TGFBR1: variants seen among roughly 807,000 people sequenced by gnomAD.
TGFBR1 encodes the protein transforming growth factor beta receptor 1.
A neutral mutation model predicts 55.1 loss-of-function variants in TGFBR1; 20 were observed. The observed-to-expected ratio is 0.36, with a 90% CI of 0.26 to 0.53. The LOEUF (loss-of-function observed/expected upper bound fraction) is 0.53. TGFBR1 is among the 20% of genes least tolerant of loss of function. The pLI, the probability that TGFBR1 is intolerant of heterozygous loss-of-function variation, is 0.91. For synonymous variants in TGFBR1, 220 were observed against 214.8 expected (o/e 1.02, Z -0.21); for missense variants, 385 against 617.6 (o/e 0.62, Z 3.99).
At chr9:99,119,965 C>T (rs1438557560) in intron 1 of TGFBR1, among the ~76,000 whole-genome samples, 4 of 152,154 alleles carry the variant, frequency 2.6e-5, no homozygotes, top group Non-Finnish European at 5.9e-5. Flanking sequence ...GAGACTGGCA[C>T]GTAATAGGAG....
chr9:99,118,453 T>G (rs1204220836), intron 1 of TGFBR1, among the ~76,000 whole-genome samples: 1 of 152,192 alleles, frequency 6.6e-6, no homozygotes, highest in Non-Finnish European at 1.5e-5. Flanking sequence ...ATGCCTTTTA[T>G]TTAATCTGAT....
At chr9:99,115,928 G>A (rs1004309810) in intron 1 of TGFBR1, among the ~76,000 whole-genome samples, 1 of 152,162 alleles carries the variant, frequency 6.6e-6, no homozygotes, top group Non-Finnish European at 1.5e-5. Context: ...ATGTTTGTCA[G>A]TGAGGAAAGA....
intron 1 of TGFBR1, among the ~76,000 whole-genome samples, chr9:99,106,824 A>G (rs540307608): frequency 1.3e-5 from 2 of 152,324 alleles, no homozygotes; most frequent in South Asian, 2.1e-4. Context: ...TTTGAGTATC[A>G]GATAGGCTTC....
chr9:99,149,502 A>G lies in TGFBR1; in HGVS notation c.*197A>G. On this transcript the variant is annotated 3_prime_UTR_variant, in exon 9 of 9. Transcript: ENST00000374994. ...ACAGCCATGTGGGTCCTTTCTGTGC[A>G]CTATGAACGCTTCTTTCCCAGGACA... is the stretch of plus-strand genomic sequence containing the variant. 1 of 616,264 alleles carries G rather than the reference A, an allele frequency of 1.6e-6. No homozygotes were observed. The highest frequency in any genetic ancestry group is 2.8e-6 in the Non-Finnish European group (1 of 355,862). The allele number at this position is 616,264 out of a possible 1,614,324, so 38.2% of individuals were successfully genotyped here. A position where few individuals can be genotyped will look rare whatever the true frequency, so the allele number is the denominator to read the frequency against.
At chr9:99,131,648 G>GT (rs1461867067) in intron 2 of TGFBR1, among the ~76,000 whole-genome samples, 1 of 149,066 alleles carries the variant, frequency 6.7e-6, no homozygotes, top group African/African-American at 2.5e-5. Context: ...AAAAAAAAAA[G>GT]TAAAAGATAT....
intron 8 of TGFBR1, 150 bp downstream of exon 8, chr9:99,147,934 T>C: frequency 1.0e-6 from 1 of 962,632 alleles, no homozygotes; most frequent in Non-Finnish European, 1.6e-6. Flanking sequence ...AATAATTTGG[T>C]TTTCATATTC....
intron 2 of TGFBR1, 37 bp downstream of exon 2, chr9:99,129,137 GA>G: frequency 6.2e-7 from 1 of 1,603,848 alleles, no homozygotes; most frequent in Non-Finnish European, 8.5e-7. Flanking sequence ...GATACTACAA[GA>G]AAAACTCTTC....
chr9:99,110,487 C>T (rs540779798), intron 1 of TGFBR1, among the ~76,000 whole-genome samples: 5 of 152,140 alleles, frequency 3.3e-5, no homozygotes, highest in Non-Finnish European at 1.5e-5. Context: ...CCATTTGTTC[C>T]CAGATACAGG....
intron 1 of TGFBR1, among the ~76,000 whole-genome samples, chr9:99,128,475 TAAAAAA>T (rs66612011): frequency 0.019 from 1,947 of 104,028 alleles, 49 homozygotes; most frequent in African/African-American, 0.065. Context: ...TTGGGCCTGG[TAAAAAA>T]AAAAAAAAAA....
intron 1 of TGFBR1, among the ~76,000 whole-genome samples, chr9:99,113,514 T>C (rs11466447): frequency 0.019 from 2,892 of 152,294 alleles, 90 homozygotes; most frequent in African/African-American, 0.066. Flanking sequence ...AATATTTGTT[T>C]ATAGGAGTAG....
intron 1 of TGFBR1, among the ~76,000 whole-genome samples, chr9:99,117,031 C>T (rs1373696138): frequency 1.3e-5 from 2 of 152,176 alleles, no homozygotes; most frequent in Non-Finnish European, 2.9e-5. Context: ...CTGTGTTCTT[C>T]TAGGAGACTG....
chr9:99,134,783 T>C (rs1412342462), intron 3 of TGFBR1, among the ~76,000 whole-genome samples: 1 of 125,422 alleles, frequency 8.0e-6, no homozygotes, highest in Non-Finnish European at 1.6e-5. Flanking sequence ...TGAGAAACAA[T>C]GGAATAATTC....
chr9:99,149,439 C>CA lies in TGFBR1; in HGVS notation c.*136dup. 7.7e-7 allele frequency: 1 copy of CA among 1,294,108 alleles called. No homozygotes were observed. Among genetic ancestry groups the CA allele is most frequent in the Admixed American group, 1.9e-5 (1 of 53,616 alleles). The allele number at this position is 1,294,108 out of a possible 1,614,324, so 80.2% of individuals were successfully genotyped here. A position where few individuals can be genotyped will look rare whatever the true frequency, so the allele number is the denominator to read the frequency against. On this transcript the variant is annotated 3_prime_UTR_variant, in exon 9 of 9. Transcript: ENST00000374994. ...TCCTTTTGCAGCAGTGTAATAAAGT[C>CA]AATTAAAAACTTCCCAGGATTTCTT...
Position 99,146,338 on chromosome 9 carries a change from G to A in TGFBR1, c.1131-147G>A, listed in dbSNP as rs1827794732. On this transcript the variant is annotated intron_variant, in intron 6 of 8. Transcript: ENST00000374994. ...CATCATTAATGTGCAAACCAGTGTGGATATTTAATATTTTTCTTGAGTCTA... is the reference window on the plus strand; with the variant it reads ...CATCATTAATGTGCAAACCAGTGTGAATATTTAATATTTTTCTTGAGTCTA... 11 of 957,788 alleles carry A rather than the reference G, an allele frequency of 1.1e-5. No homozygotes were observed. The South Asian group carries it at 1.5e-4, about 13-fold the overall frequency. The allele number at this position is 957,788 out of a possible 1,614,324, so 59.3% of individuals were successfully genotyped here. A position where few individuals can be genotyped will look rare whatever the true frequency, so the allele number is the denominator to read the frequency against.
At chr9:99,138,167 C>G in intron 4 of TGFBR1, 78 bp downstream of exon 4, 1 of 1,263,862 alleles carries the variant, frequency 7.9e-7, no homozygotes, top group Non-Finnish European at 1.1e-6. Context: ...GACTAACCAT[C>G]ATCAAAGTAG....
chr9:99,146,364 A>T (rs1827795483), intron 6 of TGFBR1, 121 bp from the exon 7 acceptor site: 2 of 1,192,308 alleles, frequency 1.7e-6, no homozygotes, highest in African/African-American at 3.0e-5. Flanking sequence ...CTTGAGTCTA[A>T]TATTTGTTAT....
rs1007202706 is a variant in TGFBR1, at chr9:99,150,282, A to G, written c.*977A>G. 5.1e-6 allele frequency: 1 copy of G among 195,888 alleles called. No homozygotes were observed. Among genetic ancestry groups the G allele is most frequent in the African/African-American group, 2.3e-5 (1 of 43,304 alleles). The allele number at this position is 195,888 out of a possible 1,614,324, so 12.1% of individuals were successfully genotyped here. ...CTTTTAAAAAATCAAGTGGCACTCTAGATGCTTATAGTACTTTAATATTTG... is the reference window on the plus strand; with the variant it reads ...CTTTTAAAAAATCAAGTGGCACTCTGGATGCTTATAGTACTTTAATATTTG... On this transcript the variant is annotated 3_prime_UTR_variant, in exon 9 of 9. Coordinates refer to ENST00000374994, the MANE Select transcript of TGFBR1 (RefSeq NM_004612.4).
In TGFBR1 at chr9:99,139,153, G is replaced by A. The variant is rs1011298201; in HGVS notation, c.805+1064G>A. On this transcript the variant is annotated intron_variant, in intron 4 of 8. Coordinates refer to ENST00000374994, the MANE Select transcript of TGFBR1 (RefSeq NM_004612.4). ...AGACTTGTGTTTCAGCTCCACTCTT[G>A]TCATCCCTACCCCTGAATCAAATGT... Among the ~76,000 whole-genome samples, 3 of 149,400 alleles carry A rather than the reference G, an allele frequency of 2.0e-5. 1 individual carries two copies. In the South Asian group the frequency reaches 6.3e-4, roughly 31 times the overall value.
At chr9:99,133,395 A>G (rs756200230) in intron 3 of TGFBR1, among the ~76,000 whole-genome samples, 1 of 152,276 alleles carries the variant, frequency 6.6e-6, no homozygotes, top group South Asian at 2.1e-4. Context: ...AGATGAGCTA[A>G]TTGTCAGAGT....
Sources: gnomAD v4.1 joint callset for allele counts (sites outside exome capture counted in the v4.1 genomes callset) on GRCh38, gnomAD v4.1.1 for gene constraint, MANE v1.5 for transcripts, NCBI Gene and HGNC (gene_info 2026-07-23, HGNC 2026-07-21) for gene names.